The following DDX4 variants were observed in gnomAD, a reference collection of about 807,000 sequenced individuals.
DDX4 encodes DEAD-box helicase 4.
Under a neutral mutation model 100.0 loss-of-function variants are expected in DDX4, and 25 were observed. The ratio of observed to expected loss-of-function variants is 0.25; its 90% CI spans 0.18 to 0.35. The LOEUF (loss-of-function observed/expected upper bound fraction) is 0.35. Ranked by LOEUF, DDX4 falls within the 10% of genes least tolerant of loss-of-function variation. The probability of loss-of-function intolerance (pLI) is 1.00; values close to 1 mark genes in which losing one functional copy is unlikely to be tolerated. For missense variants in DDX4, 635 were observed against 882.4 expected (o/e 0.72, Z 3.55); for synonymous variants, 259 against 275.7 (o/e 0.94, Z 0.60).
intron 17 of DDX4, 34 bp downstream of exon 17, chr5:55,792,841 A>T: frequency 1.7e-6 from 2 of 1,154,424 alleles, no homozygotes; most frequent in East Asian, 6.6e-5. Flanking sequence ...ATTTAATTAT[A>T]TATATATACA....
chr5:55,747,112 G>T (rs1759285075), intron 3 of DDX4, among the ~76,000 whole-genome samples: 1 of 151,848 alleles, frequency 6.6e-6, no homozygotes, highest in South Asian at 2.1e-4. Flanking sequence ...GCTGGGTATG[G>T]TGGCTCATGC....
chr5:55,781,418 G>A (rs999247225), intron 9 of DDX4, among the ~76,000 whole-genome samples: 1 of 152,210 alleles, frequency 6.6e-6, no homozygotes, highest in Non-Finnish European at 1.5e-5. Flanking sequence ...AAAAGGATTT[G>A]TGTGAGTTGA....
rs1398007814 is a variant in DDX4, at chr5:55,746,230, TATGGGAAAAAGGTAAAAC to T, written c.127+10_127+27del. On this transcript the variant is annotated intron_variant, in intron 3 of 21. Coordinates refer to ENST00000505374, the MANE Select transcript of DDX4 (RefSeq NM_024415.3). Reference sequence around the variant, plus strand: ...TCCAGCTTCATCATCAGGTATGTGTTATGGGAAAAAGGTAAAACCCTTTTTAGTTTAAGGGTTTCATCT... The same window carrying T: ...TCCAGCTTCATCATCAGGTATGTGTTCCTTTTTAGTTTAAGGGTTTCATCT... 3 of 1,605,642 alleles carry T rather than the reference TATGGGAAAAAGGTAAAAC, an allele frequency of 1.9e-6. No individual in the cohort carries two copies. The highest frequency in any genetic ancestry group is 2.5e-6 in the Non-Finnish European group (3 of 1,177,044).
chr5:55,804,596 T>C (rs1262375024), intron 18 of DDX4, among the ~76,000 whole-genome samples: 2 of 152,202 alleles, frequency 1.3e-5, no homozygotes, highest in Non-Finnish European at 2.9e-5. Context: ...TCCCCATTGC[T>C]TGTTTTTCTC....
intron 6 of DDX4, among the ~76,000 whole-genome samples, chr5:55,765,599 A>G (rs1357736699): frequency 6.6e-6 from 1 of 151,794 alleles, no homozygotes; most frequent in Non-Finnish European, 1.5e-5. Flanking sequence ...AGGAACTCAG[A>G]TACTGGATTT....
At chr5:55,799,614 G>T (rs1389651019) in intron 18 of DDX4, among the ~76,000 whole-genome samples, 1 of 152,132 alleles carries the variant, frequency 6.6e-6, no homozygotes, top group African/African-American at 2.4e-5. Flanking sequence ...GGGCTCGAGT[G>T]ATCCACTCAC....
intron 7 of DDX4, among the ~76,000 whole-genome samples, chr5:55,778,826 A>C (rs1039465805): frequency 5.3e-5 from 8 of 151,964 alleles, no homozygotes; most frequent in African/African-American, 9.7e-5. Flanking sequence ...CTCTGGAGGC[A>C]GAGGTTGCAG....
At chr5:55,763,955 G>A (rs1054279702) in intron 5 of DDX4, 59 bp from the exon 6 acceptor site, 49 of 1,203,464 alleles carry the variant, frequency 4.1e-5, no homozygotes, top group Non-Finnish European at 6.2e-6. Context: ...TAGTTCCTGT[G>A]TGGTTATCAT....
intron 2 of DDX4, among the ~76,000 whole-genome samples, chr5:55,743,911 C>CTTTT (rs35808138): frequency 1.1e-4 from 12 of 113,460 alleles, no homozygotes; most frequent in Admixed American, 4.5e-4. Flanking sequence ...TAAAACCAGC[C>CTTTT]TTTTTTTTTT....
chr5:55,765,927 C>T (rs1397869429), intron 6 of DDX4, among the ~76,000 whole-genome samples: 1 of 151,810 alleles, frequency 6.6e-6, no homozygotes, highest in African/African-American at 2.4e-5. Context: ...GCCTCAGCCT[C>T]CTGAGTAGCT....
intron 3 of DDX4, among the ~76,000 whole-genome samples, chr5:55,752,190 TTTA>T (rs1406629658): frequency 1.3e-5 from 2 of 152,052 alleles, no homozygotes; most frequent in African/African-American, 2.4e-5. Context: ...TTTTCTATTT[TTTA>T]TTATTATACT....
Position 55,793,023 on chromosome 5 carries a change from AGTGTGT to A in DDX4, c.1469+243_1469+248del, listed in dbSNP as rs10551567. On this transcript the variant is annotated intron_variant, in intron 17 of 21. Transcript: ENST00000505374. Reference sequence around the variant, plus strand: ...TGTTAACATCACATTTTATTTAAAAAGTGTGTGTGTGTGTGTGTGTGTGTGTGTGTG... The same window carrying A: ...TGTTAACATCACATTTTATTTAAAAAGTGTGTGTGTGTGTGTGTGTGTGTG... Among the ~76,000 whole-genome samples the A allele has an allele frequency of 8.2e-3, 1,180 of 144,756 alleles. 4 individuals are homozygous for A. The highest frequency in any genetic ancestry group is 0.011 in the Non-Finnish European group (745 of 65,630). 95.0% of individuals were successfully genotyped at this position (144,756 alleles called of 152,430 possible). A position where few individuals can be genotyped will look rare whatever the true frequency, so the allele number is the denominator to read the frequency against.
chr5:55,794,229 C>T (rs1030208256), intron 17 of DDX4, among the ~76,000 whole-genome samples: 5 of 151,010 alleles, frequency 3.3e-5, no homozygotes, highest in Non-Finnish European at 7.4e-5. Flanking sequence ...CTCTTGTCCC[C>T]CAGGCTGGAG....
At chr5:55,765,971 AT>A (rs34999279) in intron 6 of DDX4, among the ~76,000 whole-genome samples, 39,224 of 131,300 alleles carry the variant, frequency 0.3, 5,358 homozygotes, top group East Asian at 0.45. Flanking sequence ...CGCCCGACTA[AT>A]TTTTTTTTTT....
chr5:55,746,669 C>T (rs943159750), intron 3 of DDX4, among the ~76,000 whole-genome samples: 5 of 152,150 alleles, frequency 3.3e-5, no homozygotes, highest in Non-Finnish European at 7.4e-5. Context: ...TGGGAAAGGT[C>T]TTAGGAGAAC....
At chr5:55,776,060 C>T (rs1741542181) in intron 7 of DDX4, among the ~76,000 whole-genome samples, 1 of 152,126 alleles carries the variant, frequency 6.6e-6, no homozygotes. Context: ...GTGGAGGTTG[C>T]AGTGAGCTGA....
intron 3 of DDX4, among the ~76,000 whole-genome samples, chr5:55,753,968 CTGTT>C (rs1759750372): frequency 1.1e-5 from 1 of 90,930 alleles, no homozygotes. Context: ...ATTTGGCTCT[CTGTT>C]TGTCTGTTGT....
At chr5:55,785,112 G>A (rs557980448) in intron 10 of DDX4, among the ~76,000 whole-genome samples, 185 bp from the exon 11 acceptor site, 4 of 152,288 alleles carry the variant, frequency 2.6e-5, no homozygotes, top group African/African-American at 9.6e-5. Flanking sequence ...TCTCCTCTAC[G>A]TAAAATCATC....
chr5:55,745,746 G>A (rs1249524500), intron 2 of DDX4, among the ~76,000 whole-genome samples: 1 of 152,110 alleles, frequency 6.6e-6, no homozygotes, highest in Non-Finnish European at 1.5e-5. Flanking sequence ...CAGGAATATG[G>A]GTGACTTAAA....
Sources: allele counts gnomAD v4.1 joint callset (sites outside exome capture counted in the v4.1 genomes callset), GRCh38; gene constraint gnomAD v4.1.1; transcripts MANE v1.5; gene names NCBI Gene and HGNC (gene_info 2026-07-23, HGNC 2026-07-21).